ABCA4: variants seen among roughly 807,000 people sequenced by gnomAD.
The protein encoded by ABCA4 is retinal-specific phospholipid-transporting ATPase ABCA4.
ABCA4 carries 196 observed loss-of-function variants against 263.7 expected under a neutral mutation model. The observed-to-expected ratio is 0.74, with a 90% CI of 0.66 to 0.84. The LOEUF is 0.84. Among genes scored for constraint, ABCA4 ranks in the 40% least tolerant of loss-of-function variants. ABCA4 has a pLI of 0.00. For missense variants in ABCA4, 2,792 were observed against 2,855.1 expected (o/e 0.98, Z 0.50); for synonymous variants, 1,133 against 1,094.2 (o/e 1.04, Z -0.70).
intron 11 of ABCA4, among the ~76,000 whole-genome samples, chr1:94,077,461 G>A (rs112863425): frequency 4.1e-4 from 62 of 152,326 alleles, no homozygotes; most frequent in Admixed American, 9.8e-4. Context: ...GAGGTGCCCA[G>A]CATGAGAAGT....
intron 44 of ABCA4, among the ~76,000 whole-genome samples, chr1:94,002,997 T>A (rs60833032): frequency 0.15 from 22,794 of 152,112 alleles, 3,081 homozygotes; most frequent in African/African-American, 0.36. Context: ...CTTCTCTCTC[T>A]CACACACAAT....
At position 94,077,049 on chromosome 1, in the gene ABCA4, C is replaced by T. The variant is rs1661553530; in HGVS notation, c.1554+641G>A. ...TTGGCAATGATAATGGTGCAAGCCT[C>T]ATGGAGCTGTGAGAATTAAATGAAG... On this transcript the variant is annotated intron_variant, in intron 11 of 49. Transcript: ENST00000370225. 1.3e-5 allele frequency among the ~76,000 whole-genome samples: 2 copies of T among 152,196 alleles called. 1 individual carries two copies. Among genetic ancestry groups the T allele is most frequent in the South Asian group, 4.1e-4 (2 of 4,822 alleles).
chr1:94,074,591 G>A (rs1262713615), intron 11 of ABCA4, among the ~76,000 whole-genome samples: 1 of 152,204 alleles, frequency 6.6e-6, no homozygotes, highest in Non-Finnish European at 1.5e-5. Context: ...CAGAATGAGA[G>A]AAAATTTTTG....
At chr1:94,013,359 C>T (rs1444987481) in intron 38 of ABCA4, among the ~76,000 whole-genome samples, 1 of 152,212 alleles carries the variant, frequency 6.6e-6, no homozygotes, top group Non-Finnish European at 1.5e-5. Flanking sequence ...GTCCACGGGT[C>T]TGGGCGGTTC....
At chr1:94,043,584 G>T in intron 20 of ABCA4, 109 bp from the exon 21 acceptor site, 3 of 1,420,004 alleles carry the variant, frequency 2.1e-6, no homozygotes, top group Non-Finnish European at 2.9e-6. Context: ...CAATCAAGAT[G>T]CTCACTGTGG....
At chr1:94,050,298 G>A (rs1459849222) in intron 17 of ABCA4, among the ~76,000 whole-genome samples, 1 of 152,194 alleles carries the variant, frequency 6.6e-6, no homozygotes, top group Non-Finnish European at 1.5e-5. Flanking sequence ...ACTGGAATGA[G>A]TTCCTGCCAG....
chr1:94,113,219 C>G (rs1369757904), intron 1 of ABCA4, among the ~76,000 whole-genome samples, 153 bp from the exon 2 acceptor site: 1 of 152,174 alleles, frequency 6.6e-6, no homozygotes, highest in East Asian at 1.9e-4. Flanking sequence ...TCCTTTACCC[C>G]CTCCCCACCA....
intron 11 of ABCA4, among the ~76,000 whole-genome samples, chr1:94,072,505 G>A (rs1181013135): frequency 6.6e-6 from 1 of 152,122 alleles, no homozygotes; most frequent in East Asian, 1.9e-4. Context: ...AAATCCAAAG[G>A]GGAGGGGTGT....
At chr1:93,993,307 A>C in intron 49 of ABCA4, 65 bp from the exon 50 acceptor site, 3 of 1,607,886 alleles carry the variant, frequency 1.9e-6, no homozygotes, top group Middle Eastern at 1.7e-4. Context: ...CTACTTTTAG[A>C]TTTCAAAAGC....
At chr1:94,007,761 AG>A (rs751410605) in intron 42 of ABCA4, 21 bp from the exon 43 acceptor site, 32 of 1,600,928 alleles carry the variant, frequency 2.0e-5, no homozygotes, top group Non-Finnish European at 2.7e-5. Flanking sequence ...ACACAGAGCT[AG>A]CCTGGCCCTA....
chr1:94,011,297 A>G lies in ABCA4; in HGVS notation c.5549T>C (p.Leu1850Pro), dbSNP rs377311148. 6 of 1,614,014 alleles carry G rather than the reference A, an allele frequency of 3.7e-6. No individual in the cohort carries two copies. The highest frequency in any genetic ancestry group is 4.2e-6 in the Non-Finnish European group (5 of 1,180,028). The change falls in exon 39 of 50, where the codon CTG becomes CCG. Residue 1850 changes from leucine (L) to proline (P), a missense_variant. Physicochemically the swap from Leu to Pro is moderately conservative, Grantham distance 98. Coordinates refer to ENST00000370225, the MANE Select transcript of ABCA4 (RefSeq NM_000350.3). ...CLGRGLIDLALSQAVTDVYAR... is the reference protein window; with the variant it reads ...CLGRGLIDLAPSQAVTDVYAR... ...ATAGACATCTGTCACAGCCTGGCTC[A>G]GTGCAAGGTCAATGAGGCCCCGGCC...
chr1:93,996,036 A>G, intron 49 of ABCA4, 73 bp downstream of exon 49: 1 of 1,419,598 alleles, frequency 7.0e-7, no homozygotes. Flanking sequence ...GAGCAACTCA[A>G]GCCCAGTGAA....
chr1:94,036,905 CTCTA>C, intron 25 of ABCA4, 117 bp from the exon 26 acceptor site: 2 of 1,047,150 alleles, frequency 1.9e-6, no homozygotes, highest in Non-Finnish European at 3.0e-6. Context: ...TCCATTACGA[CTCTA>C]TCTGAGAACA....
At chr1:94,067,181 G>T (rs1464238562) in intron 11 of ABCA4, among the ~76,000 whole-genome samples, 4 of 152,032 alleles carry the variant, frequency 2.6e-5, no homozygotes, top group Non-Finnish European at 4.4e-5. Context: ...TTAATAAAAC[G>T]TGAATTTTTG....
chr1:94,031,247 G>T, intron 27 of ABCA4, 127 bp from the exon 28 acceptor site: 1 of 1,329,464 alleles, frequency 7.5e-7, no homozygotes, highest in Non-Finnish European at 1.1e-6. Context: ...TGGTGGAGAG[G>T]GTTGGGCTTC....
intron 22 of ABCA4, among the ~76,000 whole-genome samples, chr1:94,041,960 G>A (rs1020717613): frequency 2.0e-5 from 3 of 152,094 alleles, no homozygotes; most frequent in African/African-American, 4.8e-5. Flanking sequence ...TTAGCTAGGC[G>A]TGGTGGCGGG....
intron 16 of ABCA4, among the ~76,000 whole-genome samples, chr1:94,052,766 C>T (rs1215963915): frequency 6.6e-6 from 1 of 152,170 alleles, no homozygotes; most frequent in Admixed American, 6.5e-5. Flanking sequence ...ACAAAATATA[C>T]TTGGTCTTTG....
chr1:94,014,711 C>A, intron 37 of ABCA4, 21 bp from the exon 38 acceptor site: 1 of 1,614,078 alleles, frequency 6.2e-7, no homozygotes, highest in South Asian at 1.1e-5. Flanking sequence ...TGAGACAACT[C>A]AGAGTGATGG....
intron 21 of ABCA4, 66 bp from the exon 22 acceptor site, chr1:94,042,964 G>T: frequency 6.2e-7 from 1 of 1,605,984 alleles, no homozygotes; most frequent in Non-Finnish European, 8.5e-7. Context: ...AAGGCCCAGG[G>T]CAAGTGGCAT....
Sources: allele counts gnomAD v4.1 joint callset (sites outside exome capture counted in the v4.1 genomes callset), GRCh38; gene constraint gnomAD v4.1.1; transcripts MANE v1.5; gene names NCBI Gene and HGNC (gene_info 2026-07-23, HGNC 2026-07-21).